The following LRTM1 variants were observed in gnomAD, a reference collection of about 807,000 sequenced individuals.
LRTM1 encodes the protein leucine-rich repeat and transmembrane domain-containing protein 1.
In LRTM1, 38 loss-of-function variants were observed where a neutral mutation model predicts 32.4. The ratio of observed to expected loss-of-function variants is 1.17; its 90% CI spans 0.91 to 1.54. The LOEUF (loss-of-function observed/expected upper bound fraction) is 1.54. Ranked by LOEUF, LRTM1 falls within the 40% of genes most tolerant of loss-of-function variation. The probability of loss-of-function intolerance (pLI) is 0.00; values close to 1 mark genes in which losing one functional copy is unlikely to be tolerated. For synonymous variants in LRTM1, 186 were observed against 169.9 expected (o/e 1.09, Z -0.74); for missense variants, 466 against 415.4 (o/e 1.12, Z -1.06).
At chr3:54,926,427 C>G (rs1701018439) in intron 1 of LRTM1, among the ~76,000 whole-genome samples, 1 of 150,870 alleles carries the variant, frequency 6.6e-6, no homozygotes, top group Admixed American at 6.6e-5. Flanking sequence ...TGTCAGAGTT[C>G]TTATCTACTG....
chr3:54,957,358 A>G (rs1463603156), intron 1 of LRTM1, among the ~76,000 whole-genome samples: 1 of 152,022 alleles, frequency 6.6e-6, no homozygotes, highest in Non-Finnish European at 1.5e-5. Flanking sequence ...TCTGTTGCTC[A>G]GGCTGGTCTT....
chr3:54,949,984 G>A (rs1412892088), intron 1 of LRTM1, among the ~76,000 whole-genome samples: 2 of 152,166 alleles, frequency 1.3e-5, no homozygotes, highest in Admixed American at 6.5e-5. Context: ...GTCTCTAGTA[G>A]TTTCCTTTAG....
At chr3:54,966,307 T>C (rs559815147) in intron 1 of LRTM1, among the ~76,000 whole-genome samples, 36 of 152,236 alleles carry the variant, frequency 2.4e-4, no homozygotes, top group South Asian at 1.0e-3. Flanking sequence ...CTGTCAGGCA[T>C]TTGGAAGATG....
chr3:54,949,157 G>A (rs553757749), intron 1 of LRTM1, among the ~76,000 whole-genome samples: 1 of 152,298 alleles, frequency 6.6e-6, no homozygotes. Flanking sequence ...TCAGTTCAAT[G>A]TCCTGGGGCT....
At chr3:54,920,588 G>A (rs371087754) in intron 2 of LRTM1, among the ~76,000 whole-genome samples, 2 of 152,190 alleles carry the variant, frequency 1.3e-5, no homozygotes, top group South Asian at 2.1e-4. Flanking sequence ...TTGAGATTAA[G>A]GATTCTTGCC....
chr3:54,924,993 A>G lies in LRTM1; in HGVS notation c.230T>C (p.Met77Thr). The change falls in exon 2 of 3, where the codon ATG (methionine) becomes ACG (threonine). Residue 77 changes from methionine (M) to threonine (T), a missense_variant. Transcript: ENST00000273286. ...AFAFRSVPWL[M>T]TLNLSNNSLS... The stretch of plus-strand genomic sequence containing the variant: ...GGAATTGTTGGACAAGTTTAAGGTC[A>G]TGAGCCATGGCACTGACCTAAATGC... 1.2e-6 allele frequency: 2 copies of G among 1,613,954 alleles called. No individual in the cohort carries two copies. The highest frequency in any genetic ancestry group is 2.2e-5 in the East Asian group (1 of 44,870).
intron 1 of LRTM1, among the ~76,000 whole-genome samples, chr3:54,956,389 T>C (rs1266704380): frequency 6.6e-6 from 1 of 152,256 alleles, no homozygotes; most frequent in African/African-American, 2.4e-5. Context: ...AATTTTGCTG[T>C]GTCAGGCTAT....
intron 1 of LRTM1, among the ~76,000 whole-genome samples, chr3:54,960,023 T>C (rs1213827913): frequency 6.6e-6 from 1 of 151,394 alleles, no homozygotes; most frequent in Non-Finnish European, 1.5e-5. Context: ...CATTTATAAT[T>C]GTCATTTACT....
At chr3:54,957,521 T>A (rs1176636423) in intron 1 of LRTM1, among the ~76,000 whole-genome samples, 1 of 152,194 alleles carries the variant, frequency 6.6e-6, no homozygotes, top group African/African-American at 2.4e-5. Flanking sequence ...GAAATATGTT[T>A]CATTAAATAA....
At chr3:54,945,915 C>T (rs139661232) in intron 1 of LRTM1, among the ~76,000 whole-genome samples, 53 of 152,140 alleles carry the variant, frequency 3.5e-4, no homozygotes, top group African/African-American at 1.1e-3. Flanking sequence ...GGGCCATCCT[C>T]GTTGGAATAA....
intron 1 of LRTM1, among the ~76,000 whole-genome samples, chr3:54,959,895 G>A (rs1346878807): frequency 1.3e-5 from 2 of 152,036 alleles, no homozygotes; most frequent in African/African-American, 2.4e-5. Context: ...GATGAAGTCT[G>A]GAAAAATGCT....
chr3:54,919,416 G>T (rs1042206950), intron 2 of LRTM1, among the ~76,000 whole-genome samples: 5 of 152,218 alleles, frequency 3.3e-5, no homozygotes, highest in African/African-American at 1.2e-4. Context: ...GAATGGTCTT[G>T]GAGTGATCTG....
At chr3:54,943,141 A>C (rs1310472310) in intron 1 of LRTM1, among the ~76,000 whole-genome samples, 1 of 151,872 alleles carries the variant, frequency 6.6e-6, no homozygotes, top group Non-Finnish European at 1.5e-5. Context: ...GTTCGAGGCT[A>C]CAGTGGACTA....
At chr3:54,959,225 C>T (rs1040199334) in intron 1 of LRTM1, among the ~76,000 whole-genome samples, 2 of 152,220 alleles carry the variant, frequency 1.3e-5, no homozygotes, top group Non-Finnish European at 1.5e-5. Flanking sequence ...CTGCAGCTCC[C>T]TGGAGACTGC....
chr3:54,952,932 A>G (rs1183647513), intron 1 of LRTM1, among the ~76,000 whole-genome samples: 15 of 152,136 alleles, frequency 9.9e-5, no homozygotes, highest in Admixed American at 9.8e-4. Flanking sequence ...AAAGGAGGAA[A>G]CTTTTCATAG....
chr3:54,941,330 TAAATG>T (rs1701461019), intron 1 of LRTM1, among the ~76,000 whole-genome samples: 1 of 152,144 alleles, frequency 6.6e-6, no homozygotes, highest in Non-Finnish European at 1.5e-5. Context: ...ATGACTGAAT[TAAATG>T]AAAAAGAATC....
At chr3:54,950,489 C>T (rs1330969965) in intron 1 of LRTM1, among the ~76,000 whole-genome samples, 1 of 152,142 alleles carries the variant, frequency 6.6e-6, no homozygotes, top group African/African-American at 2.4e-5. Flanking sequence ...ATAATGCTGA[C>T]AATAATTATA....
chr3:54,948,386 G>A (rs758253200), intron 1 of LRTM1, among the ~76,000 whole-genome samples: 1 of 152,162 alleles, frequency 6.6e-6, no homozygotes, highest in Non-Finnish European at 1.5e-5. Flanking sequence ...GCTCCCAAGA[G>A]GTTAGCAACT....
intron 1 of LRTM1, among the ~76,000 whole-genome samples, chr3:54,926,235 G>C (rs570126263): frequency 2.6e-5 from 4 of 152,190 alleles, no homozygotes; most frequent in Non-Finnish European, 4.4e-5. Flanking sequence ...ACCATTCTAA[G>C]TGCTTTATAA....
Sources: allele counts gnomAD v4.1 joint callset (sites outside exome capture counted in the v4.1 genomes callset), GRCh38; gene constraint gnomAD v4.1.1; transcripts MANE v1.5; gene names NCBI Gene and HGNC (gene_info 2026-07-23, HGNC 2026-07-21).